The following PRKN variants were observed in gnomAD, a reference collection of about 807,000 sequenced individuals.
PRKN encodes the protein parkin RBR E3 ubiquitin protein ligase.
Under a neutral mutation model 59.5 loss-of-function variants are expected in PRKN, and 56 were observed. The observed-to-expected ratio is 0.94, with a 90% CI of 0.76 to 1.18. The LOEUF (loss-of-function observed/expected upper bound fraction) is 1.18. Ranked by LOEUF, PRKN falls within the 50% of genes most tolerant of loss-of-function variation. The probability of loss-of-function intolerance (pLI) is 0.00; values close to 1 mark genes in which losing one functional copy is unlikely to be tolerated. For synonymous variants in PRKN, 250 were observed against 222.1 expected, an observed-to-expected ratio of 1.13 and a Z score of -1.12; for missense variants, 657 against 596.4, an observed-to-expected ratio of 1.10 and a Z score of -1.06.
At chr6:161,645,019 A>G (rs1347796086) in intron 7 of PRKN, among the ~76,000 whole-genome samples, 4 of 152,194 alleles carry the variant, frequency 2.6e-5, no homozygotes, top group Non-Finnish European at 4.4e-5. Flanking sequence ...AGGAGTGAGT[A>G]GAATTGGTTA....
At chr6:161,792,056 C>T (rs1790660589) in intron 6 of PRKN, among the ~76,000 whole-genome samples, 1 of 152,208 alleles carries the variant, frequency 6.6e-6, no homozygotes, top group African/African-American at 2.4e-5. Context: ...CTTCTAACAA[C>T]AGCTGGCATC....
At chr6:161,679,580 AAACACC>A (rs1166884638) in intron 7 of PRKN, among the ~76,000 whole-genome samples, 1 of 112,184 alleles carries the variant, frequency 8.9e-6, no homozygotes, top group Non-Finnish European at 1.9e-5. Context: ...TTTTTTTTTT[AAACACC>A]AACCTAGACA....
At chr6:162,703,581 G>C (rs916538922) in intron 1 of PRKN, among the ~76,000 whole-genome samples, 5 of 152,158 alleles carry the variant, frequency 3.3e-5, no homozygotes, top group Non-Finnish European at 7.3e-5. Context: ...TGCCTAGCTT[G>C]AGTGTGTGTC....
chr6:162,388,001 G>A (rs1786944417), intron 2 of PRKN, among the ~76,000 whole-genome samples: 1 of 152,170 alleles, frequency 6.6e-6, no homozygotes, highest in Non-Finnish European at 1.5e-5. Context: ...CGGTCTCGTG[G>A]GGAAGGCAGA....
chr6:162,523,278 T>C (rs563206104), intron 1 of PRKN, among the ~76,000 whole-genome samples: 1 of 152,330 alleles, frequency 6.6e-6, no homozygotes, highest in Non-Finnish European at 1.5e-5. Flanking sequence ...GATGAGTTCA[T>C]GGCTTGTTGT....
intron 1 of PRKN, among the ~76,000 whole-genome samples, chr6:162,686,307 T>C (rs1002735486): frequency 6.6e-5 from 10 of 152,162 alleles, no homozygotes; most frequent in African/African-American, 2.4e-4. Context: ...AATAATCCAG[T>C]GCAGTGGAAA....
Position 161,939,215 on chromosome 6 carries a change from C to T in PRKN, c.734+34087G>A, listed in dbSNP as rs112753716. Among the ~76,000 whole-genome samples, 188 of 151,492 alleles carry T rather than the reference C, an allele frequency of 1.2e-3. 1 individual carries two copies. Among genetic ancestry groups the T allele is most frequent in the African/African-American group, 4.4e-3 (181 of 41,328 alleles). ...GGAGGATCACCTGAGGCCAGTAATTCCAGACCAGCATGGCCAACATGGTGA... is the reference window on the plus strand; with the variant it reads ...GGAGGATCACCTGAGGCCAGTAATTTCAGACCAGCATGGCCAACATGGTGA... On this transcript the variant is annotated intron_variant, in intron 6 of 11. Coordinates refer to ENST00000366898, the MANE Select transcript of PRKN (RefSeq NM_004562.3).
At chr6:162,246,862 A>G (rs1185807439) in intron 3 of PRKN, among the ~76,000 whole-genome samples, 1 of 152,124 alleles carries the variant, frequency 6.6e-6, no homozygotes, top group Non-Finnish European at 1.5e-5. Flanking sequence ...AATTCTGGCA[A>G]GTTTTTCTGT....
At chr6:161,676,486 C>T (rs1291351554) in intron 7 of PRKN, among the ~76,000 whole-genome samples, 1 of 152,174 alleles carries the variant, frequency 6.6e-6, no homozygotes, top group Non-Finnish European at 1.5e-5. Flanking sequence ...AATACTATTT[C>T]ATGATGACAG....
chr6:162,020,913 G>GC (rs1411145920), intron 5 of PRKN, among the ~76,000 whole-genome samples: 7 of 151,462 alleles, frequency 4.6e-5, no homozygotes, highest in South Asian at 2.1e-4. Flanking sequence ...GATCAGCCTG[G>GC]CCAACATGGT....
intron 5 of PRKN, among the ~76,000 whole-genome samples, chr6:162,005,272 A>ATTT (rs1782205270): frequency 2.0e-5 from 3 of 152,234 alleles, no homozygotes; most frequent in Non-Finnish European, 4.4e-5. Context: ...TAATAAAAGA[A>ATTT]ATAAAGTATA....
At chr6:162,042,494 G>A (rs911437589) in intron 5 of PRKN, among the ~76,000 whole-genome samples, 6 of 151,334 alleles carry the variant, frequency 4.0e-5, no homozygotes, top group African/African-American at 4.9e-5. Context: ...TCATAATGTT[G>A]CCTAGGCTGG....
chr6:162,303,414 T>C (rs1419557619), intron 2 of PRKN, among the ~76,000 whole-genome samples: 1 of 152,134 alleles, frequency 6.6e-6, no homozygotes, highest in Non-Finnish European at 1.5e-5. Flanking sequence ...TTCAATGCGA[T>C]TCCTTTCAGA....
At chr6:161,366,927 A>G (rs1174537833) in intron 10 of PRKN, among the ~76,000 whole-genome samples, 1 of 148,806 alleles carries the variant, frequency 6.7e-6, no homozygotes, top group Non-Finnish European at 1.5e-5. Flanking sequence ...TTTCTTGCTC[A>G]ATTAAACTCT....
intron 1 of PRKN, among the ~76,000 whole-genome samples, chr6:162,722,719 G>A (rs1043442451): frequency 6.6e-6 from 1 of 152,080 alleles, no homozygotes; most frequent in African/African-American, 2.4e-5. Context: ...TTTGGAGGTA[G>A]GAATGGATTT....
At chr6:162,709,222 G>A (rs1166892491) in intron 1 of PRKN, among the ~76,000 whole-genome samples, 2 of 151,954 alleles carry the variant, frequency 1.3e-5, no homozygotes, top group African/African-American at 4.8e-5. Flanking sequence ...TGTAATAAAG[G>A]GCACAATAAA....
At chr6:161,913,055 G>A (rs1465746591) in intron 6 of PRKN, among the ~76,000 whole-genome samples, 1 of 150,970 alleles carries the variant, frequency 6.6e-6, no homozygotes, top group Admixed American at 6.6e-5. Flanking sequence ...GCAGGCACCT[G>A]TAATCCTCCC....
In PRKN at chr6:161,562,601, A is replaced by G. The variant is rs945530983; in HGVS notation, c.933+6754T>C. Among the ~76,000 whole-genome samples, 2 of 152,176 alleles carry G rather than the reference A, an allele frequency of 1.3e-5. No individual in the cohort carries two copies. Among genetic ancestry groups the G allele is most frequent in the Middle Eastern group, 3.2e-3 (1 of 316 alleles). On this transcript the variant is annotated intron_variant, in intron 8 of 11. Coordinates refer to ENST00000366898, the MANE Select transcript of PRKN (RefSeq NM_004562.3). The surrounding 1 kb of genome is among the most constrained non-coding windows in gnomAD (Gnocchi z 4.3). ...CACTCACACATCCAAGTCCCGACTTATCTCCTTCTCCATGCTTCAGGCATA... is the reference window on the plus strand; with the variant it reads ...CACTCACACATCCAAGTCCCGACTTGTCTCCTTCTCCATGCTTCAGGCATA...
intron 1 of PRKN, among the ~76,000 whole-genome samples, chr6:162,710,735 A>G (rs572241113): frequency 6.6e-6 from 1 of 152,200 alleles, no homozygotes; most frequent in South Asian, 2.1e-4. Context: ...TAATAGCATC[A>G]CCTGTTTGAT....
Sources: gnomAD v4.1 joint callset for allele counts (sites outside exome capture counted in the v4.1 genomes callset) on GRCh38, gnomAD v4.1.1 for gene constraint, Gnocchi (gnomAD v3.1) non-coding constraint, MANE v1.5 for transcripts, NCBI Gene and HGNC (gene_info 2026-07-23, HGNC 2026-07-21) for gene names.